USP48: variants seen among roughly 807,000 people sequenced by gnomAD.
The protein encoded by USP48 is ubiquitin specific peptidase 48.
USP48 carries 43 observed loss-of-function variants against 150.7 expected under a neutral mutation model. The observed-to-expected ratio is 0.29, with a 90% CI of 0.22 to 0.37. USP48 has a LOEUF of 0.37. USP48 is among the 10% of genes least tolerant of loss of function. The probability of loss-of-function intolerance (pLI) is 1.00; values close to 1 mark genes in which losing one functional copy is unlikely to be tolerated. For synonymous variants in USP48, 396 were observed against 425.9 expected (o/e 0.93, Z 0.86); for missense variants, 813 against 1,249.6 (o/e 0.65, Z 5.27).
rs772039424 is a variant in USP48, at chr1:21,695,055, G to A, written c.2883+11C>T. The A allele has an allele frequency of 6.2e-7, 1 of 1,606,054 alleles. No individual in the cohort carries two copies. The highest frequency in any genetic ancestry group is 2.2e-5 in the East Asian group (1 of 44,526). On this transcript the variant is annotated intron_variant, in intron 23 of 26. Coordinates refer to ENST00000308271, the MANE Select transcript of USP48 (RefSeq NM_032236.8). The stretch of plus-strand genomic sequence containing the variant: ...AAGTCCAGAGCAAACTTGAACAAAT[G>A]TTTCCCTCACCTGAATTTTCAATTC...
At chr1:21,748,036 C>G in intron 7 of USP48, 102 bp downstream of exon 7, 1 of 1,225,096 alleles carries the variant, frequency 8.2e-7, no homozygotes, top group African/African-American at 1.5e-5. Flanking sequence ...ATCCTCAAAT[C>G]TAGAGTTTCA....
intron 8 of USP48, among the ~76,000 whole-genome samples, chr1:21,742,617 C>T (rs2097784845): frequency 6.6e-6 from 1 of 151,230 alleles, no homozygotes; most frequent in Admixed American, 6.6e-5. Flanking sequence ...AAAAAGAAAA[C>T]TCCTGAGTCC....
chr1:21,681,421 T>C (rs1228424537), intron 25 of USP48, among the ~76,000 whole-genome samples: 1 of 151,832 alleles, frequency 6.6e-6, no homozygotes, highest in African/African-American at 2.4e-5. Context: ...ACCACCACAC[T>C]TGGCTAATTT....
intron 1 of USP48, among the ~76,000 whole-genome samples, chr1:21,776,289 A>G (rs1428503589): frequency 6.6e-6 from 1 of 152,204 alleles, no homozygotes; most frequent in African/African-American, 2.4e-5. Context: ...TCAGAAATGT[A>G]AACAGTCCTG....
At position 21,687,231 on chromosome 1, in the gene USP48, T is replaced by A; in HGVS notation, c.3018A>T (p.Glu1006Asp). The change falls in exon 25 of 27, where the codon GAA becomes GAT. Residue 1006 changes from glutamate (E) to aspartate (D), a missense_variant. Physicochemically the swap from Glu to Asp is conservative, Grantham distance 45. Coordinates refer to ENST00000308271, the MANE Select transcript of USP48 (RefSeq NM_032236.8). ...CCATTGCAGCATAATCTGCAATTGG[T>A]TCATCAGCCTAGAAAACAAATGAAG... Reference protein sequence around the residue: ...PESVILLKADEPIADYAAMDD... With the variant: ...PESVILLKADDPIADYAAMDD... 1 of 1,612,784 alleles carries A rather than the reference T, an allele frequency of 6.2e-7. No individual in the cohort carries two copies.
At chr1:21,778,930 C>T (rs1043884618) in intron 1 of USP48, among the ~76,000 whole-genome samples, 1 of 151,920 alleles carries the variant, frequency 6.6e-6, no homozygotes, top group Admixed American at 6.6e-5. Flanking sequence ...TACAGGCATC[C>T]GCCACCATGC....
intron 23 of USP48, among the ~76,000 whole-genome samples, chr1:21,691,316 CA>C (rs58202473): frequency 0.32 from 26,669 of 83,548 alleles, 2,452 homozygotes; most frequent in African/African-American, 0.39. Flanking sequence ...CTCCCATCTC[CA>C]AAAAAAAAAA....
intron 1 of USP48, among the ~76,000 whole-genome samples, chr1:21,762,023 T>C (rs992441033): frequency 6.6e-6 from 1 of 152,068 alleles, no homozygotes; most frequent in Non-Finnish European, 1.5e-5. Flanking sequence ...CCCCAGCACT[T>C]TGGGAGACTG....
Position 21,757,667 on chromosome 1 carries a change from T to C in USP48, c.251A>G (p.Lys84Arg), listed in dbSNP as rs763034412. The C allele has an allele frequency of 2.5e-6, 4 of 1,605,032 alleles. No individual in the cohort carries two copies. The highest frequency in any genetic ancestry group is 3.4e-6 in the Non-Finnish European group (4 of 1,177,776). The change falls in exon 2 of 27, where the codon AAA becomes AGA. Residue 84 changes from lysine to arginine, a missense_variant. Physicochemically the swap from Lys to Arg is conservative, Grantham distance 26 (BLOSUM62 2). Coordinates refer to ENST00000308271, the MANE Select transcript of USP48 (RefSeq NM_032236.8). ...NIDDPNCERR[K>R]KNSFVGLTNL... Reference sequence around the variant, plus strand: ...GCTTAAAAAATGATGGTTTACCTTTTTTCTCCTCTCACAGTTGGGATCATC... The same window carrying C: ...GCTTAAAAAATGATGGTTTACCTTTCTTCTCCTCTCACAGTTGGGATCATC...
intron 25 of USP48, chr1:21,681,274 T>A (rs1199386913): frequency 6.5e-6 from 1 of 153,686 alleles, no homozygotes; most frequent in Admixed American, 6.5e-5. Context: ...TTTACTTTTT[T>A]TTTTTGAGAG....
At chr1:21,775,296 C>G (rs1392245643) in intron 1 of USP48, among the ~76,000 whole-genome samples, 3 of 152,070 alleles carry the variant, frequency 2.0e-5, no homozygotes, top group Non-Finnish European at 2.9e-5. Flanking sequence ...GAGTCTCACT[C>G]TGTCACCCAG....
chr1:21,706,126 C>A lies in USP48; in HGVS notation c.2273G>T (p.Arg758Ile). Residue 758 changes from arginine to isoleucine, a missense_variant and splice_region_variant, in exon 18 of 27, where the codon AGA (arginine) becomes ATA (isoleucine). Coordinates refer to ENST00000308271, the MANE Select transcript of USP48 (RefSeq NM_032236.8). ...FFVEEWRKFV[R>I]KPTRCSPVSS... ...GAAATAAAACATATTTTGTTTCTACCTAACAAATTTCCGCCACTCTTCTAC... is the reference window on the plus strand; with the variant it reads ...GAAATAAAACATATTTTGTTTCTACATAACAAATTTCCGCCACTCTTCTAC... 1 of 1,613,322 alleles carries A rather than the reference C, an allele frequency of 6.2e-7. No individual in the cohort carries two copies. Among genetic ancestry groups the A allele is most frequent in the South Asian group, 1.1e-5 (1 of 90,946 alleles).
chr1:21,748,845 A>G (rs542594876), intron 6 of USP48, among the ~76,000 whole-genome samples: 1 of 152,210 alleles, frequency 6.6e-6, no homozygotes, highest in Non-Finnish European at 1.5e-5. Context: ...CGGGAGGTGG[A>G]GCTTGCAGTA....
At chr1:21,707,993 G>A (rs184805860) in intron 15 of USP48, among the ~76,000 whole-genome samples, 65 of 150,298 alleles carry the variant, frequency 4.3e-4, no homozygotes, top group African/African-American at 1.4e-3. Context: ...GAAACCCTGC[G>A]TCTACTAAAA....
chr1:21,753,704 G>A (rs1360917448), intron 3 of USP48, among the ~76,000 whole-genome samples: 1 of 151,146 alleles, frequency 6.6e-6, no homozygotes, highest in Non-Finnish European at 1.5e-5. Flanking sequence ...GCGAGCACCT[G>A]TAATCCCTGC....
chr1:21,734,083 T>G (rs1322814887), intron 9 of USP48, among the ~76,000 whole-genome samples: 1 of 152,238 alleles, frequency 6.6e-6, no homozygotes, highest in East Asian at 1.9e-4. Flanking sequence ...TGAAGTTCTA[T>G]AAACACAGAA....
At chr1:21,699,276 G>A (rs369428634) in intron 22 of USP48, among the ~76,000 whole-genome samples, 10 of 140,224 alleles carry the variant, frequency 7.1e-5, no homozygotes, top group South Asian at 2.3e-4. Flanking sequence ...ACGGCTCACC[G>A]CAAGCTCCGC....
intron 1 of USP48, among the ~76,000 whole-genome samples, chr1:21,766,065 T>C (rs2097861544): frequency 6.7e-6 from 1 of 149,994 alleles, no homozygotes; most frequent in African/African-American, 2.5e-5. Flanking sequence ...ATGCCCAAAA[T>C]TGTAACAAAA....
In USP48 at chr1:21,731,326, C is replaced by T. The variant is rs113157612; in HGVS notation, c.1172-1494G>A. Reference sequence around the variant, plus strand: ...TCTCCCAGGCTGGAGTGGAATGGCACGATCTCAGTGTACTGCAATCTCTGC... The same window carrying T: ...TCTCCCAGGCTGGAGTGGAATGGCATGATCTCAGTGTACTGCAATCTCTGC... On this transcript the variant is annotated intron_variant, in intron 9 of 26. Transcript: ENST00000308271. Among the ~76,000 whole-genome samples the T allele has an allele frequency of 4.2e-3, 641 of 151,986 alleles. 7 individuals are homozygous for T. The highest frequency in any genetic ancestry group is 0.015 in the African/African-American group (605 of 41,516).
Sources: allele counts gnomAD v4.1 joint callset (sites outside exome capture counted in the v4.1 genomes callset), GRCh38; gene constraint gnomAD v4.1.1; transcripts MANE v1.5; gene names NCBI Gene and HGNC (gene_info 2026-07-23, HGNC 2026-07-21).